PPP2R3B: variants seen among roughly 807,000 people sequenced by gnomAD.
The protein encoded by PPP2R3B is serine/threonine-protein phosphatase 2A regulatory subunit B'' subunit beta.
Under a neutral mutation model 72.9 loss-of-function variants are expected in PPP2R3B, and 68 were observed. That is an observed-to-expected ratio of 0.93 (90% confidence interval 0.77 to 1.14). The LOEUF (loss-of-function observed/expected upper bound fraction) is 1.14. PPP2R3B is among the 50% of genes most tolerant of loss of function. The pLI, the probability that PPP2R3B is intolerant of heterozygous loss-of-function variation, is 0.00. For synonymous variants in PPP2R3B, 466 were observed against 375.8 expected (o/e 1.24, Z -2.78); for missense variants, 1,018 against 842.0 (o/e 1.21, Z -2.59).
chrX:385,513 G>A (rs1484937746), intron 1 of PPP2R3B, among the ~76,000 whole-genome samples: 2 of 151,772 alleles, frequency 1.3e-5, no homozygotes, highest in African/African-American at 4.8e-5. Flanking sequence ...AATAAATGGC[G>A]TTTCTTCTAA....
At chrX:339,232 G>A (rs1326098867) in intron 10 of PPP2R3B, among the ~76,000 whole-genome samples, 1 of 144,774 alleles carries the variant, frequency 6.9e-6, no homozygotes, top group Non-Finnish European at 1.5e-5. Flanking sequence ...AGGCCAGAGG[G>A]TGTCCCGGGG....
rs747395297 is a variant in PPP2R3B, at chrX:338,915, G to A, written c.1352-19C>T. 20 of 1,604,122 alleles carry A rather than the reference G, an allele frequency of 1.2e-5. No homozygotes were observed. Among genetic ancestry groups the A allele is most frequent in the Middle Eastern group, 1.8e-4 (1 of 5,708 alleles). ...ATCTTCCCTGCGGGGAGGGGAGTGC[G>A]TCCAAGGCGCGTGAGCCCGGTCTCA... is the stretch of plus-strand genomic sequence containing the variant. On this transcript the variant is annotated intron_variant, in intron 10 of 12. Transcript: ENST00000390665.
At chrX:344,620 AG>A (rs2071157164) in intron 7 of PPP2R3B, among the ~76,000 whole-genome samples, 1 of 152,204 alleles carries the variant, frequency 6.6e-6, no homozygotes, top group Non-Finnish European at 1.5e-5. Flanking sequence ...GCCGATTCCC[AG>A]CTGTGCAGGT....
At chrX:363,710 C>T (rs2071614143) in intron 1 of PPP2R3B, among the ~76,000 whole-genome samples, 1 of 152,050 alleles carries the variant, frequency 6.6e-6, no homozygotes, top group African/African-American at 2.4e-5. Flanking sequence ...GTGCATCTTC[C>T]CGAGCCCACA....
intron 1 of PPP2R3B, among the ~76,000 whole-genome samples, chrX:371,343 C>T (rs1173882000): frequency 1.3e-5 from 2 of 152,210 alleles, no homozygotes; most frequent in Non-Finnish European, 2.9e-5. Context: ...GGCGTGAACG[C>T]ATGCTGTTCC....
At chrX:347,558 C>T (rs754323094) in intron 3 of PPP2R3B, 32 bp downstream of exon 3, 21 of 1,552,464 alleles carry the variant, frequency 1.4e-5, no homozygotes, top group African/African-American at 2.7e-5. Context: ...TCCGCCCTCC[C>T]GACACAGCCC....
rs938423182 is a variant in PPP2R3B at position 341,384 on chromosome X, C to T, written c.1098G>A (p.Val366=). The T allele has an allele frequency of 7.3e-5, 117 of 1,612,558 alleles. No homozygotes were observed. The highest frequency in any genetic ancestry group is 9.6e-5 in the Non-Finnish European group (113 of 1,179,728). ...CATAGCTGATCTTCCCTTCCTTCTG[C>T]ACTTTTCTGCCTCTAGATCGAAAGC... The part of the protein sequence containing the change: ...FSGAVTRGRK[V]QKEGKISYAD... The change falls in exon 9 of 13, where the codon GTG becomes GTA. Residue 366 remains valine, a synonymous_variant. Transcript: ENST00000390665.
intron 1 of PPP2R3B, among the ~76,000 whole-genome samples, chrX:369,534 C>G (rs913396470): frequency 6.6e-6 from 1 of 152,208 alleles, no homozygotes; most frequent in Non-Finnish European, 1.5e-5. Flanking sequence ...AAAGGCTGAG[C>G]CTAACACTGA....
chrX:373,838 G>C (rs1164322232), intron 1 of PPP2R3B: 3 of 152,106 alleles, frequency 2.0e-5, no homozygotes, highest in Non-Finnish European at 4.4e-5. Context: ...TGAGGAGGGC[G>C]CATGGCGCCG....
intron 2 of PPP2R3B, among the ~76,000 whole-genome samples, chrX:355,775 T>C (rs1226470360): frequency 1.3e-5 from 2 of 152,170 alleles, no homozygotes; most frequent in South Asian, 2.1e-4. Flanking sequence ...CCGGCTAATC[T>C]ATATTGACAG....
chrX:346,360 A>AGCCGC (rs2071212904), intron 5 of PPP2R3B, 100 bp from the exon 6 acceptor site: 2 of 1,217,444 alleles, frequency 1.6e-6, no homozygotes, highest in Admixed American at 4.1e-5. Context: ...CCTTGGTCTC[A>AGCCGC]GCCGCACGGG....
At chrX:346,635 C>T (rs181532534) in intron 5 of PPP2R3B, 66 bp downstream of exon 5, 35 of 1,458,018 alleles carry the variant, frequency 2.4e-5, no homozygotes, top group South Asian at 2.0e-4. Flanking sequence ...AGAAGCCCCG[C>T]GGCGGCCGCT....
chrX:338,397 G>T, intron 12 of PPP2R3B: 1 of 622,430 alleles, frequency 1.6e-6, no homozygotes, highest in East Asian at 2.8e-5. Flanking sequence ...CGGGCAGACT[G>T]CACCGAGGCC....
rs1480100719 is a variant in PPP2R3B, at chrX:346,209, T to C, written c.844A>G (p.Thr282Ala). ...AVNRSWSGRITCAELRRSSFL... is the reference protein window; with the variant it reads ...AVNRSWSGRIACAELRRSSFL... ...GAGCTCCTCCGCAGCTCGGCGCAGG[T>C]GATCCTGCCGGACCAGGACCGGTTC... The change falls in exon 6 of 13, where the codon ACC (threonine) becomes GCC (alanine). Residue 282 changes from threonine (T) to alanine (A), a missense_variant. By Grantham distance (58) the Thr-to-Ala change is moderately conservative (BLOSUM62 0). Coordinates refer to ENST00000390665, the MANE Select transcript of PPP2R3B (RefSeq NM_013239.5). 2.7e-5 allele frequency: 42 copies of C among 1,569,388 alleles called. No homozygotes were observed. Among genetic ancestry groups the C allele is most frequent in the Non-Finnish European group, 3.5e-5 (41 of 1,159,410 alleles).
intron 5 of PPP2R3B, 193 bp downstream of exon 5, chrX:346,508 A>G (rs969780118): frequency 6.2e-6 from 4 of 640,196 alleles, no homozygotes; most frequent in Non-Finnish European, 7.9e-6. Flanking sequence ...GGGTGCGGCC[A>G]CCCCGGAAAA....
chrX:375,697 T>G (rs758627167), intron 1 of PPP2R3B, among the ~76,000 whole-genome samples: 214 of 152,298 alleles, frequency 1.4e-3, no homozygotes, highest in African/African-American at 4.3e-3. Context: ...GGAACCAGAT[T>G]GGGAGCCAAC....
intron 1 of PPP2R3B, among the ~76,000 whole-genome samples, chrX:382,122 C>T (rs1289039141): frequency 6.6e-6 from 1 of 152,080 alleles, no homozygotes; most frequent in Non-Finnish European, 1.5e-5. Flanking sequence ...GGTCCACACG[C>T]ATCCTTCCTT....
intron 12 of PPP2R3B, chrX:336,851 G>A (rs144168814): frequency 6.7e-6 from 1 of 148,902 alleles, no homozygotes; most frequent in South Asian, 2.1e-4. Flanking sequence ...CCTGCCGAGA[G>A]ACACGGACGG....
intron 1 of PPP2R3B, among the ~76,000 whole-genome samples, chrX:369,562 T>C (rs2071809818): frequency 6.6e-6 from 1 of 152,092 alleles, no homozygotes; most frequent in East Asian, 1.9e-4. Context: ...TGTTTTTGCG[T>C]AGAAGTGCGT....
Sources: allele counts gnomAD v4.1 joint callset (sites outside exome capture counted in the v4.1 genomes callset), GRCh38; gene constraint gnomAD v4.1.1; transcripts MANE v1.5; gene names NCBI Gene and HGNC (gene_info 2026-07-23, HGNC 2026-07-21).